HFM1: variants seen among roughly 807,000 people sequenced by gnomAD.
The protein encoded by HFM1 is probable ATP-dependent DNA helicase HFM1.
HFM1 carries 169 observed loss-of-function variants against 192.1 expected under a neutral mutation model. The ratio of observed to expected loss-of-function variants is 0.88; its 90% CI spans 0.78 to 1.00. The LOEUF (loss-of-function observed/expected upper bound fraction) is 1.00. Ranked by LOEUF, HFM1 falls within the 50% of genes least tolerant of loss-of-function variation. The probability of loss-of-function intolerance (pLI) is 0.00; values close to 1 mark genes in which losing one functional copy is unlikely to be tolerated. For missense variants in HFM1, 1,661 were observed against 1,668.0 expected (o/e 1.00, Z 0.07); for synonymous variants, 525 against 537.8 (o/e 0.98, Z 0.33).
At chr1:91,382,086 G>T (rs998517883) in intron 6 of HFM1, among the ~76,000 whole-genome samples, 3 of 152,066 alleles carry the variant, frequency 2.0e-5, no homozygotes, top group Admixed American at 2.0e-4. Flanking sequence ...GAACTCTGCT[G>T]TTCTTCAAAA....
intron 8 of HFM1, among the ~76,000 whole-genome samples, chr1:91,379,859 T>C (rs555568614): frequency 6.6e-6 from 1 of 152,292 alleles, no homozygotes; most frequent in African/African-American, 2.4e-5. Context: ...TGATTTTATT[T>C]GTTCATTTTG....
intron 19 of HFM1, among the ~76,000 whole-genome samples, chr1:91,345,482 G>A (rs1022402963): frequency 6.6e-5 from 10 of 152,118 alleles, no homozygotes; most frequent in Non-Finnish European, 1.2e-4. Flanking sequence ...GAGTGACGGG[G>A]AAGCTATTAA....
At chr1:91,313,883 C>T (rs1650835004) in intron 29 of HFM1, 74 bp downstream of exon 29, 29 of 735,040 alleles carry the variant, frequency 3.9e-5, no homozygotes, top group South Asian at 1.1e-4. Context: ...TTTTCTGTAC[C>T]AGCATAAAGG....
chr1:91,264,191 C>T (rs1214239784), intron 36 of HFM1, among the ~76,000 whole-genome samples: 1 of 151,776 alleles, frequency 6.6e-6, no homozygotes, highest in Admixed American at 6.6e-5. Context: ...TGATTACTTG[C>T]CAGTGATGTT....
chr1:91,396,507 AT>A (rs1299413404), intron 2 of HFM1, 102 bp from the exon 3 acceptor site: 8 of 602,096 alleles, frequency 1.3e-5, no homozygotes, highest in Non-Finnish European at 2.3e-5. Context: ...TAAACATTCT[AT>A]AAATTAACTT....
intron 30 of HFM1, among the ~76,000 whole-genome samples, chr1:91,282,815 T>A (rs1023277219): frequency 6.6e-6 from 1 of 152,202 alleles, no homozygotes; most frequent in Non-Finnish European, 1.5e-5. Flanking sequence ...AAATGAAGAA[T>A]AAAGAGTTGC....
intron 30 of HFM1, among the ~76,000 whole-genome samples, chr1:91,294,796 C>T (rs1473742942): frequency 1.3e-5 from 2 of 152,300 alleles, no homozygotes; most frequent in East Asian, 3.9e-4. Context: ...TATGATAGTA[C>T]TGCTATGAAC....
At chr1:91,331,961 C>CA (rs1425135320) in intron 20 of HFM1, among the ~76,000 whole-genome samples, 1 of 151,558 alleles carries the variant, frequency 6.6e-6, no homozygotes, top group Non-Finnish European at 1.5e-5. Context: ...AAGAGGACAC[C>CA]AAAAAATGAA....
chr1:91,278,141 A>G (rs1468340726), intron 30 of HFM1, among the ~76,000 whole-genome samples: 1 of 151,254 alleles, frequency 6.6e-6, no homozygotes, highest in African/African-American at 2.4e-5. Flanking sequence ...GGTACTGCTG[A>G]CAGAAGTTAG....
intron 30 of HFM1, among the ~76,000 whole-genome samples, chr1:91,289,193 C>T (rs1319547923): frequency 1.8e-4 from 27 of 151,340 alleles, no homozygotes; most frequent in Middle Eastern, 3.5e-3. Context: ...GGGGTGGTGG[C>T]GGGGCAGAGA....
intron 1 of HFM1, among the ~76,000 whole-genome samples, chr1:91,401,927 AAC>A (rs1415170165): frequency 6.6e-6 from 1 of 151,948 alleles, no homozygotes; most frequent in East Asian, 1.9e-4. Flanking sequence ...TAAAAAAAAA[AAC>A]TAGTCTCTAG....
intron 13 of HFM1, among the ~76,000 whole-genome samples, chr1:91,368,337 T>C (rs1353861576): frequency 2.6e-5 from 4 of 151,788 alleles, no homozygotes; most frequent in South Asian, 4.2e-4. Flanking sequence ...ATGTTAAGAG[T>C]AGCCAGAGAG....
chr1:91,402,225 G>A (rs1157202832), intron 1 of HFM1, among the ~76,000 whole-genome samples: 2 of 152,134 alleles, frequency 1.3e-5, no homozygotes, highest in South Asian at 2.1e-4. Context: ...TTGATGTGGG[G>A]ATGAGATACA....
At chr1:91,303,978 C>T (rs2101058464) in intron 30 of HFM1, among the ~76,000 whole-genome samples, 1 of 152,182 alleles carries the variant, frequency 6.6e-6, no homozygotes, top group East Asian at 1.9e-4. Context: ...CCACTCAATC[C>T]TGAGTAGGTG....
In HFM1 at chr1:91,276,635, C is replaced by T. The variant is rs376664019; in HGVS notation, c.3581G>A (p.Arg1194His). The change falls in exon 32 of 39, where the codon CGT becomes CAT. Residue 1194 changes from arginine (R) to histidine (H), a missense_variant. By Grantham distance (29) the Arg-to-His change is conservative (BLOSUM62 0). Transcript: ENST00000370425. ...NAVSSVPPVK[R>H]LKIQMNKSQS... Reference sequence around the variant, plus strand: ...AATGTTATTAAAACTAACCTTCAGACGTTTAACTGGAGGAACAGATGAAAC... The same window carrying T: ...AATGTTATTAAAACTAACCTTCAGATGTTTAACTGGAGGAACAGATGAAAC... 40 of 1,464,380 alleles carry T rather than the reference C, an allele frequency of 2.7e-5. No homozygotes were observed. The highest frequency in any genetic ancestry group is 5.7e-5 in the African/African-American group (4 of 69,626). The allele number at this position is 1,464,380 out of a possible 1,614,324, so 90.7% of individuals were successfully genotyped here.
chr1:91,315,723 C>G, intron 28 of HFM1, 92 bp downstream of exon 28: 1 of 876,136 alleles, frequency 1.1e-6, no homozygotes, highest in South Asian at 2.2e-5. Flanking sequence ...TAGTTGATCC[C>G]ACAATGATCT....
In HFM1 at chr1:91,287,848, G is replaced by A. The variant is rs1046211662; in HGVS notation, c.3392-10786C>T. ...CTGATGGAGCTGAAAACCAAGGCTC[G>A]AGAACTACGTGAAGAATGCAGAAGC... On this transcript the variant is annotated intron_variant, in intron 30 of 38. Coordinates refer to ENST00000370425, the MANE Select transcript of HFM1 (RefSeq NM_001017975.6). Among the ~76,000 whole-genome samples the A allele has an allele frequency of 1.3e-4, 20 of 152,190 alleles. No individual in the cohort carries two copies. The East Asian group carries it at 2.7e-3, about 21-fold the overall frequency.
chr1:91,319,058 T>C lies in HFM1; in HGVS notation c.2812+20A>G, dbSNP rs368980350. 4.0e-5 allele frequency: 63 copies of C among 1,566,026 alleles called. No homozygotes were observed. Among genetic ancestry groups the C allele is most frequent in the Non-Finnish European group, 5.3e-5 (62 of 1,164,458 alleles). ...AAATTGCAGACATGGCCAAACTGCC[T>C]GCCTGTATTCAGTACCTACCAATTT... On this transcript the variant is annotated intron_variant, in intron 25 of 38. Transcript: ENST00000370425.
At chr1:91,292,092 A>C (rs1668832439) in intron 30 of HFM1, among the ~76,000 whole-genome samples, 1 of 152,034 alleles carries the variant, frequency 6.6e-6, no homozygotes, top group African/African-American at 2.4e-5. Context: ...CACAGCCAAA[A>C]TCATACTGAA....
Sources: allele counts gnomAD v4.1 joint callset (sites outside exome capture counted in the v4.1 genomes callset), GRCh38; gene constraint gnomAD v4.1.1; transcripts MANE v1.5; gene names NCBI Gene and HGNC (gene_info 2026-07-23, HGNC 2026-07-21).